RTN1: variants seen among roughly 807,000 people sequenced by gnomAD.
RTN1 encodes the protein reticulon-1.
A neutral mutation model predicts 65.5 loss-of-function variants in RTN1; 25 were observed. That is an observed-to-expected ratio of 0.38 (90% CI 0.28 to 0.53). The LOEUF is 0.53. Ranked by LOEUF, RTN1 falls within the 20% of genes least tolerant of loss-of-function variation. RTN1 has a pLI of 0.79. For missense variants in RTN1, 983 were observed against 1,025.4 expected (o/e 0.96, Z 0.57); for synonymous variants, 471 against 447.6 (o/e 1.05, Z -0.66).
At chr14:59,696,514 T>C (rs954710595) in intron 3 of RTN1, among the ~76,000 whole-genome samples, 3 of 152,124 alleles carry the variant, frequency 2.0e-5, no homozygotes, top group Non-Finnish European at 4.4e-5. Context: ...TGTTGCTGAA[T>C]TGATTGTCCT....
chr14:59,654,224 G>A (rs975768612), intron 3 of RTN1, among the ~76,000 whole-genome samples: 15 of 152,112 alleles, frequency 9.9e-5, no homozygotes, highest in East Asian at 9.6e-4. Flanking sequence ...TCGGGAGTTC[G>A]AGAACAGCCT....
intron 1 of RTN1, among the ~76,000 whole-genome samples, chr14:59,811,601 C>T (rs1434601185): frequency 6.6e-6 from 1 of 152,100 alleles, no homozygotes; most frequent in Non-Finnish European, 1.5e-5. Context: ...TTCAGGGCTG[C>T]TTAAAGTTCT....
chr14:59,844,869 CTT>C (rs1333249889), intron 1 of RTN1, among the ~76,000 whole-genome samples: 1 of 152,180 alleles, frequency 6.6e-6, no homozygotes, highest in Non-Finnish European at 1.5e-5. Context: ...TCTAATACAT[CTT>C]ACTAGCTCTT....
At chr14:59,772,825 A>G (rs1885984947) in intron 1 of RTN1, among the ~76,000 whole-genome samples, 1 of 151,840 alleles carries the variant, frequency 6.6e-6, no homozygotes, top group Admixed American at 6.6e-5. Context: ...TTTTTTGGCC[A>G]TTTTAGAGGT....
chr14:59,616,460 G>A (rs1324720610), intron 3 of RTN1, among the ~76,000 whole-genome samples: 7 of 152,126 alleles, frequency 4.6e-5, no homozygotes, highest in Admixed American at 4.6e-4. Flanking sequence ...TGAAAATTGT[G>A]ACATTAAAAT....
At chr14:59,649,318 T>C (rs977668167) in intron 3 of RTN1, among the ~76,000 whole-genome samples, 6 of 152,120 alleles carry the variant, frequency 3.9e-5, no homozygotes, top group Non-Finnish European at 7.3e-5. Context: ...GAAGAAAACC[T>C]AGGCAATATC....
At chr14:59,750,482 T>C (rs1245547424) in intron 1 of RTN1, among the ~76,000 whole-genome samples, 32 of 63,350 alleles carry the variant, frequency 5.1e-4, no homozygotes, top group African/African-American at 2.0e-3. Context: ...ATAATATATC[T>C]ATAATATATA....
chr14:59,757,346 T>A (rs1885660291), intron 1 of RTN1, among the ~76,000 whole-genome samples: 1 of 152,174 alleles, frequency 6.6e-6, no homozygotes, highest in Non-Finnish European at 1.5e-5. Context: ...CCCATACTGT[T>A]CTCATGGTAG....
At chr14:59,811,987 C>G (rs1886737788) in intron 1 of RTN1, among the ~76,000 whole-genome samples, 1 of 152,156 alleles carries the variant, frequency 6.6e-6, no homozygotes, top group South Asian at 2.1e-4. Context: ...TTAGTGCCTT[C>G]CCTCACTGTG....
chr14:59,618,270 C>T (rs959721729), intron 3 of RTN1, among the ~76,000 whole-genome samples: 5 of 152,218 alleles, frequency 3.3e-5, no homozygotes, highest in Non-Finnish European at 7.3e-5. Context: ...CTGGAGGCTA[C>T]AAGATTCTGA....
chr14:59,864,640 T>C (rs1171086082), intron 1 of RTN1, among the ~76,000 whole-genome samples: 1 of 152,128 alleles, frequency 6.6e-6, no homozygotes, highest in African/African-American at 2.4e-5. Flanking sequence ...GCCTGACATA[T>C]AGCAAGAGTT....
At chr14:59,673,923 T>C (rs1235502909) in intron 3 of RTN1, among the ~76,000 whole-genome samples, 1 of 152,252 alleles carries the variant, frequency 6.6e-6, no homozygotes, top group Non-Finnish European at 1.5e-5. Context: ...GATATGGATA[T>C]TGATTCAATC....
At chr14:59,706,177 AAACTTTGTTTGCAGTATC>A (rs1566692085) in intron 3 of RTN1, among the ~76,000 whole-genome samples, 1 of 152,200 alleles carries the variant, frequency 6.6e-6, no homozygotes, top group Non-Finnish European at 1.5e-5. Context: ...TGCATAAGAC[AAACTTTGTTTGCAGTATC>A]ATTCTGCCCC....
chr14:59,776,397 T>A (rs891718807), intron 1 of RTN1, among the ~76,000 whole-genome samples: 3 of 152,146 alleles, frequency 2.0e-5, no homozygotes, highest in African/African-American at 7.2e-5. Flanking sequence ...CTCATGCTCT[T>A]GTCCTTCTGC....
intron 3 of RTN1, among the ~76,000 whole-genome samples, chr14:59,708,866 G>T (rs1164860931): frequency 6.6e-6 from 1 of 152,224 alleles, no homozygotes; most frequent in African/African-American, 2.4e-5. Flanking sequence ...AGAAAATATT[G>T]GGAAAAAAGA....
chr14:59,686,611 A>T (rs532840967), intron 3 of RTN1, among the ~76,000 whole-genome samples: 2 of 152,320 alleles, frequency 1.3e-5, no homozygotes, highest in African/African-American at 4.8e-5. Context: ...TAGGAGGAAA[A>T]CGTGGGCAAA....
intron 1 of RTN1, among the ~76,000 whole-genome samples, chr14:59,792,864 A>G (rs549294953): frequency 6.6e-6 from 1 of 152,190 alleles, no homozygotes; most frequent in South Asian, 2.1e-4. Context: ...TTAAAAAGCA[A>G]TTTTTTGTGT....
intron 3 of RTN1, among the ~76,000 whole-genome samples, chr14:59,690,792 C>G (rs1398224756): frequency 6.6e-6 from 1 of 152,082 alleles, no homozygotes; most frequent in Non-Finnish European, 1.5e-5. Context: ...GAAGATCTCT[C>G]AAAACCATAT....
chr14:59,837,030 T>C (rs1594761545), intron 1 of RTN1, among the ~76,000 whole-genome samples: 1 of 142,950 alleles, frequency 7.0e-6, no homozygotes, highest in Admixed American at 7.1e-5. Flanking sequence ...GGGGTAAGTA[T>C]GGCCATATAT....
Sources: gnomAD v4.1 joint callset for allele counts (sites outside exome capture counted in the v4.1 genomes callset) on GRCh38, gnomAD v4.1.1 for gene constraint, MANE v1.5 for transcripts, NCBI Gene and HGNC (gene_info 2026-07-23, HGNC 2026-07-21) for gene names.